The following FLI1 variants were observed in gnomAD, a reference collection of about 807,000 sequenced individuals.
FLI1 encodes the protein Friend leukemia integration 1 transcription factor.
Under a neutral mutation model 53.1 loss-of-function variants are expected in FLI1, and 13 were observed. That is an observed-to-expected ratio of 0.24 (90% CI 0.16 to 0.39). The LOEUF (loss-of-function observed/expected upper bound fraction) is 0.39, where lower values mean the gene tolerates loss of function less well. FLI1 is among the 10% of genes least tolerant of loss of function. The pLI is 1.00. For synonymous variants in FLI1, 244 were observed against 236.7 expected, an observed-to-expected ratio of 1.03 and a Z score of -0.28; for missense variants, 424 against 600.5, an observed-to-expected ratio of 0.71 and a Z score of 3.07.
At chr11:128,785,653 C>G (rs1942056373) in intron 5 of FLI1, among the ~76,000 whole-genome samples, 1 of 152,218 alleles carries the variant, frequency 6.6e-6, no homozygotes, top group African/African-American at 2.4e-5. Context: ...ACTTTTCTCT[C>G]TTTCCAAAGA....
chr11:128,751,582 A>G (rs1205155562), intron 1 of FLI1, among the ~76,000 whole-genome samples: 3 of 151,996 alleles, frequency 2.0e-5, no homozygotes, highest in Non-Finnish European at 2.9e-5. Flanking sequence ...GCTGAAGTGC[A>G]GTGGTGTGAT....
At chr11:128,721,493 C>G (rs1939249697) in intron 1 of FLI1, among the ~76,000 whole-genome samples, 1 of 152,164 alleles carries the variant, frequency 6.6e-6, no homozygotes, top group Non-Finnish European at 1.5e-5. Context: ...AATTGTGACC[C>G]TGTCCTTAGC....
chr11:128,731,598 G>A (rs1321968761), intron 1 of FLI1, among the ~76,000 whole-genome samples: 1 of 152,026 alleles, frequency 6.6e-6, no homozygotes, highest in Non-Finnish European at 1.5e-5. Flanking sequence ...GAACTTGCAT[G>A]AAAAATCATT....
intron 5 of FLI1, among the ~76,000 whole-genome samples, chr11:128,789,617 G>A (rs143963176): frequency 5.9e-5 from 9 of 152,300 alleles, no homozygotes; most frequent in Non-Finnish European, 1.0e-4. Flanking sequence ...TGTCCCTCGC[G>A]ATATGCACTG....
In FLI1 at chr11:128,714,205, GAA is replaced by G. The variant is rs11301098; in HGVS notation, c.18+19949_18+19950del. Reference sequence around the variant, plus strand: ...ACTTGATATAACTCTTCACTGGCCAGAAAAAAAAAAAAAAAAAAAAACGGCAA... The same window carrying G: ...ACTTGATATAACTCTTCACTGGCCAGAAAAAAAAAAAAAAAAAAACGGCAA... On this transcript the variant is annotated intron_variant, in intron 1 of 8. Coordinates refer to ENST00000527786, the MANE Select transcript of FLI1 (RefSeq NM_002017.5). Among the ~76,000 whole-genome samples, 713 of 97,462 alleles carry G rather than the reference GAA, an allele frequency of 7.3e-3. 1 individual carries two copies. The highest frequency in any genetic ancestry group is 0.014 in the African/African-American group (374 of 27,276). 63.9% of individuals were successfully genotyped at this position (97,462 alleles called of 152,430 possible).
At chr11:128,740,924 G>A (rs1423731428) in intron 1 of FLI1, among the ~76,000 whole-genome samples, 1 of 152,148 alleles carries the variant, frequency 6.6e-6, no homozygotes, top group East Asian at 1.9e-4. Flanking sequence ...AGGAGAGAAG[G>A]TGCAGCCACA....
intron 1 of FLI1, among the ~76,000 whole-genome samples, chr11:128,717,194 C>T (rs934656185): frequency 1.3e-4 from 20 of 152,118 alleles, no homozygotes; most frequent in African/African-American, 4.8e-4. Flanking sequence ...GATTACCCTC[C>T]TCACCCCTGC....
At chr11:128,787,792 T>C (rs1942136041) in intron 5 of FLI1, among the ~76,000 whole-genome samples, 1 of 146,716 alleles carries the variant, frequency 6.8e-6, no homozygotes, top group South Asian at 2.1e-4. Flanking sequence ...ACATTATTAT[T>C]GAAAGCTAAT....
At chr11:128,762,004 G>A (rs185130412) in intron 2 of FLI1, among the ~76,000 whole-genome samples, 12 of 152,170 alleles carry the variant, frequency 7.9e-5, no homozygotes, top group Middle Eastern at 3.4e-3. Context: ...CACAGCTATC[G>A]CCAGCACCCC....
At chr11:128,767,840 C>T (rs1018935950) in intron 2 of FLI1, among the ~76,000 whole-genome samples, 1 of 152,110 alleles carries the variant, frequency 6.6e-6, no homozygotes, top group African/African-American at 2.4e-5. Context: ...GGGAGGGCTG[C>T]GATGCCACAC....
rs547753163 is a variant in FLI1 at position 128,812,645 on chromosome 11, G to A, written c.*1657G>A. 8 of 222,884 alleles carry A rather than the reference G, an allele frequency of 3.6e-5. No homozygotes were observed. Among genetic ancestry groups the A allele is most frequent in the Admixed American group, 5.8e-5 (1 of 17,390 alleles). The allele number at this position is 222,884 out of a possible 1,614,324, so 13.8% of individuals were successfully genotyped here. A position where few individuals can be genotyped will look rare whatever the true frequency, so the allele number is the denominator to read the frequency against. ...CAGCCTAAAAGGGTTTTATAAAACA[G>A]CAGCTAAGGCCATGGATAAACCTGT... On this transcript the variant is annotated 3_prime_UTR_variant, in exon 9 of 9. Coordinates refer to ENST00000527786, the MANE Select transcript of FLI1 (RefSeq NM_002017.5).
intron 5 of FLI1, among the ~76,000 whole-genome samples, chr11:128,798,185 A>G (rs117186656): frequency 6.6e-6 from 1 of 152,312 alleles, no homozygotes; most frequent in Non-Finnish European, 1.5e-5. Flanking sequence ...AGAAGTATGC[A>G]ATTTAGTTGC....
intron 1 of FLI1, among the ~76,000 whole-genome samples, chr11:128,748,983 G>T (rs1940529895): frequency 6.6e-6 from 1 of 152,194 alleles, no homozygotes; most frequent in African/African-American, 2.4e-5. Flanking sequence ...TGTGGTCCTT[G>T]TTTGGTTTTT....
intron 1 of FLI1, among the ~76,000 whole-genome samples, chr11:128,738,375 C>A (rs1939992975): frequency 6.6e-6 from 1 of 152,190 alleles, no homozygotes; most frequent in Admixed American, 6.5e-5. Context: ...CAAGGCCTCA[C>A]CTTTCTCTCA....
intron 7 of FLI1, 53 bp downstream of exon 7, chr11:128,807,292 T>G: frequency 7.7e-7 from 1 of 1,297,146 alleles, no homozygotes; most frequent in Non-Finnish European, 1.1e-6. Flanking sequence ...AGTTGTTGAT[T>G]TCACATGGTC....
intron 1 of FLI1, among the ~76,000 whole-genome samples, chr11:128,718,050 T>A (rs1160741969): frequency 6.6e-6 from 1 of 152,192 alleles, no homozygotes; most frequent in Non-Finnish European, 1.5e-5. Context: ...GCCTCATAGA[T>A]AATGGCATCC....
At chr11:128,777,947 A>C (rs542934314) in intron 4 of FLI1, among the ~76,000 whole-genome samples, 31 of 152,296 alleles carry the variant, frequency 2.0e-4, no homozygotes, top group Non-Finnish European at 4.1e-4. Flanking sequence ...AAAGCCTCAC[A>C]CTGCTCACTC....
At chr11:128,686,126 A>G, upstream of FLI1, 2 of 333,422 alleles carry the variant, frequency 6.0e-6, no homozygotes, top group Non-Finnish European at 1.2e-5. Flanking sequence ...GCTGGCAGAG[A>G]AAGGGTGGTG....
chr11:128,799,990 C>T (rs546791011), intron 5 of FLI1, among the ~76,000 whole-genome samples: 72 of 152,172 alleles, frequency 4.7e-4, no homozygotes, highest in Admixed American at 3.5e-3. Context: ...CAAAGACCGC[C>T]GCTCACCTGC....
Sources: allele counts gnomAD v4.1 joint callset (sites outside exome capture counted in the v4.1 genomes callset), GRCh38; gene constraint gnomAD v4.1.1; transcripts MANE v1.5; gene names NCBI Gene and HGNC (gene_info 2026-07-23, HGNC 2026-07-21).